The following GLRA1 variants were observed in gnomAD, a reference collection of about 807,000 sequenced individuals.
The protein encoded by GLRA1 is glycine receptor subunit alpha-1.
Under a neutral mutation model 48.3 loss-of-function variants are expected in GLRA1, and 37 were observed. The ratio of observed to expected loss-of-function variants is 0.77; its 90% CI spans 0.59 to 1.01. The LOEUF is 1.01. GLRA1 is among the 50% of genes least tolerant of loss of function. The pLI is 0.00. For missense variants in GLRA1, 427 were observed against 571.0 expected, an observed-to-expected ratio of 0.75 and a Z score of 2.57; for synonymous variants, 196 against 210.7, an observed-to-expected ratio of 0.93 and a Z score of 0.60.
At chr5:151,903,431 A>C (rs1203127838) in intron 1 of GLRA1, among the ~76,000 whole-genome samples, 1 of 152,158 alleles carries the variant, frequency 6.6e-6, no homozygotes, top group African/African-American at 2.4e-5. Context: ...CAGGGCTCTA[A>C]TAATGCTCTC....
At chr5:151,858,370 C>A (rs1481296917) in intron 4 of GLRA1, among the ~76,000 whole-genome samples, 2 of 152,202 alleles carry the variant, frequency 1.3e-5, no homozygotes, top group Non-Finnish European at 1.5e-5. Flanking sequence ...GGGTTAATTT[C>A]CTGAAGTCGA....
At chr5:151,897,542 G>C (rs1429434857) in intron 1 of GLRA1, among the ~76,000 whole-genome samples, 4 of 152,162 alleles carry the variant, frequency 2.6e-5, no homozygotes, top group Non-Finnish European at 5.9e-5. Context: ...TTCAGAAAGA[G>C]AGTGAGGTCT....
chr5:151,921,007 T>C (rs1581669805), intron 1 of GLRA1, among the ~76,000 whole-genome samples: 1 of 152,226 alleles, frequency 6.6e-6, no homozygotes, highest in Non-Finnish European at 1.5e-5. Context: ...GATCCTAATG[T>C]GGATAGAAAC....
In GLRA1 at chr5:151,823,798, A is replaced by G. The variant is rs1763204722; in HGVS notation, c.1060-835T>C. Reference sequence around the variant, plus strand: ...CTCACGTCCCTTCCTTATGCTCACTACCAAAATGCCTGCTGCCCTGATCCT... The same window carrying G: ...CTCACGTCCCTTCCTTATGCTCACTGCCAAAATGCCTGCTGCCCTGATCCT... On this transcript the variant is annotated intron_variant, in intron 8 of 8. Transcript: ENST00000274576. 3.3e-5 allele frequency among the ~76,000 whole-genome samples: 5 copies of G among 151,502 alleles called. No individual in the cohort carries two copies. In the South Asian group the frequency reaches 1.0e-3, roughly 32 times the overall value.
intron 3 of GLRA1, among the ~76,000 whole-genome samples, chr5:151,877,220 G>A (rs1753647603): frequency 6.6e-6 from 1 of 152,206 alleles, no homozygotes; most frequent in Admixed American, 6.5e-5. Context: ...TGTTGATACG[G>A]AAATGCAATG....
chr5:151,835,983 T>G (rs1007258821), intron 7 of GLRA1, among the ~76,000 whole-genome samples: 2 of 152,144 alleles, frequency 1.3e-5, no homozygotes, highest in African/African-American at 4.8e-5. Flanking sequence ...GAGAAAGAAA[T>G]AAAAGGTATT....
At position 151,833,817 on chromosome 5, in the gene GLRA1, C is replaced by CAAAAAA. The variant is rs766149505; in HGVS notation, c.913-4751_913-4750insTTTTTT. On this transcript the variant is annotated intron_variant, in intron 7 of 8. Transcript: ENST00000274576. ...AAAGCAAAAAAAAAAAAAAAAAAAG[C>CAAAAAA]AGGGGTTGCAATCCTAGTTTCTGAT... Among the ~76,000 whole-genome samples, 220 of 79,006 alleles carry CAAAAAA rather than the reference C, an allele frequency of 2.8e-3. 1 individual carries two copies. Among genetic ancestry groups the CAAAAAA allele is most frequent in the South Asian group, 9.6e-3 (24 of 2,510 alleles). The allele number at this position is 79,006 out of a possible 152,430, so 51.8% of individuals were successfully genotyped here. A position where few individuals can be genotyped will look rare whatever the true frequency, so the allele number is the denominator to read the frequency against.
chr5:151,885,396 A>G (rs1045226512), intron 3 of GLRA1, among the ~76,000 whole-genome samples: 3 of 152,214 alleles, frequency 2.0e-5, no homozygotes, highest in Non-Finnish European at 4.4e-5. Flanking sequence ...TGTAAGTGAC[A>G]AGTGCTGTTG....
At chr5:151,834,608 C>T (rs1488958086) in intron 7 of GLRA1, among the ~76,000 whole-genome samples, 1 of 151,972 alleles carries the variant, frequency 6.6e-6, no homozygotes, top group Non-Finnish European at 1.5e-5. Flanking sequence ...TAGCAGAAGA[C>T]AAGAAATAAC....
chr5:151,849,202 TTTCTTTCCTTCC>T (rs1752799619), intron 7 of GLRA1: 1 of 94,398 alleles, frequency 1.1e-5, no homozygotes, highest in African/African-American at 5.1e-5. Flanking sequence ...CTTTCTTTTC[TTTCTTTCCTTCC>T]TTTCTTCCTT....
rs149327714 is a variant in GLRA1 at position 151,898,596 on chromosome 5, CAGG to C, written c.57-6161_57-6159del. Among the ~76,000 whole-genome samples the C allele has an allele frequency of 8.4e-3, 1,280 of 151,938 alleles. 28 individuals are homozygous for C. Among genetic ancestry groups the C allele is most frequent in the African/African-American group, 0.03 (1,222 of 41,410 alleles). On this transcript the variant is annotated intron_variant, in intron 1 of 8. Coordinates refer to ENST00000274576, the MANE Select transcript of GLRA1 (RefSeq NM_000171.4). ...CCAGTTTACCATGAGCAGAGAAGTCCAGGAGGTCAGGATGGAAAAGGGGGAGGA... is the reference window on the plus strand; with the variant it reads ...CCAGTTTACCATGAGCAGAGAAGTCCAGGTCAGGATGGAAAAGGGGGAGGA...
chr5:151,848,077 T>C (rs1581611671), intron 7 of GLRA1, among the ~76,000 whole-genome samples: 1 of 152,314 alleles, frequency 6.6e-6, no homozygotes, highest in East Asian at 1.9e-4. Context: ...CAGAAAAGGG[T>C]TAACAAAACA....
chr5:151,876,763 G>A (rs943636405), intron 3 of GLRA1, among the ~76,000 whole-genome samples: 2 of 152,116 alleles, frequency 1.3e-5, no homozygotes, highest in African/African-American at 4.8e-5. Context: ...CAGTTGTTAT[G>A]GACTGAATGT....
chr5:151,831,465 G>C (rs925284563), intron 7 of GLRA1, among the ~76,000 whole-genome samples: 14 of 152,208 alleles, frequency 9.2e-5, no homozygotes, highest in African/African-American at 3.1e-4. Context: ...TTGGTGGGGG[G>C]AGGAGTGTCC....
intron 7 of GLRA1, among the ~76,000 whole-genome samples, chr5:151,848,692 C>T (rs12658422): frequency 0.36 from 54,191 of 152,062 alleles, 10,120 homozygotes; most frequent in South Asian, 0.45. Flanking sequence ...ATGTTCTTTC[C>T]CCCTGATGAG....
At position 151,826,857 on chromosome 5, in the gene GLRA1, C is replaced by T. The variant is rs1426156991; in HGVS notation, c.1059+2064G>A. Among the ~76,000 whole-genome samples the T allele has an allele frequency of 3.9e-5, 6 of 152,062 alleles. No homozygotes were observed. In the East Asian group the frequency reaches 1.2e-3, roughly 29 times the overall value. On this transcript the variant is annotated intron_variant, in intron 8 of 8. Coordinates refer to ENST00000274576, the MANE Select transcript of GLRA1 (RefSeq NM_000171.4). ...GCATCTACTGGAGCTGTGCAGTGCT[C>T]AATCAAAGGGGCTGGTGCTAGTAAA...
intron 3 of GLRA1, among the ~76,000 whole-genome samples, chr5:151,873,665 CAAAAA>C (rs60113920): frequency 1.1e-4 from 12 of 107,942 alleles, no homozygotes; most frequent in Non-Finnish European, 1.8e-4. Context: ...CACTTTGTCT[CAAAAA>C]AAAAAAAAAA....
chr5:151,869,105 ATT>A (rs112857798), intron 3 of GLRA1, among the ~76,000 whole-genome samples: 29 of 145,900 alleles, frequency 2.0e-4, no homozygotes, highest in African/African-American at 7.2e-4. Flanking sequence ...CATTTGCTAA[ATT>A]TTTTTTTTTT....
chr5:151,916,486 T>C, intron 1 of GLRA1, among the ~76,000 whole-genome samples: 1 of 152,100 alleles, frequency 6.6e-6, no homozygotes, highest in African/African-American at 2.4e-5. Flanking sequence ...TGTAAAATAC[T>C]GACATGATTT....
Sources: allele counts gnomAD v4.1 joint callset (sites outside exome capture counted in the v4.1 genomes callset), GRCh38; gene constraint gnomAD v4.1.1; transcripts MANE v1.5; gene names NCBI Gene and HGNC (gene_info 2026-07-23, HGNC 2026-07-21).